Variants in TDRD6 observed in about 807,000 individuals in gnomAD.
TDRD6 encodes the protein tudor domain-containing protein 6.
A neutral mutation model predicts 157.5 loss-of-function variants in TDRD6; 186 were observed. That is an observed-to-expected ratio of 1.18 (90% CI 1.05 to 1.33). TDRD6 has a LOEUF of 1.33. Among genes scored for constraint, TDRD6 ranks in the 40% most tolerant of loss-of-function variants. The pLI is 0.00. For missense variants in TDRD6, 3,066 were observed against 2,508.0 expected (o/e 1.22, Z -4.75); for synonymous variants, 1,075 against 945.2 (o/e 1.14, Z -2.52).
rs1382395751 is a variant in TDRD6, at chr6:46,690,053, T to C, written c.1925T>C (p.Val642Ala). The C allele has an allele frequency of 6.2e-7, 1 of 1,613,988 alleles. No individual in the cohort carries two copies. Reference protein sequence around the residue: ...HILDKQDHQYVIEILDESRTG... With the variant: ...HILDKQDHQYAIEILDESRTG... ...CTTGATAAACAGGATCATCAATATG[T>C]TATTGAGATTCTTGACGAATCAAGA... Residue 642 changes from valine to alanine, a missense_variant, in exon 1 of 4, where the codon GTT (valine) becomes GCT (alanine). Coordinates refer to ENST00000316081, the MANE Select transcript of TDRD6 (RefSeq NM_001010870.3).
intron 2 of TDRD6, 101 bp downstream of exon 2, chr6:46,696,046 T>G: frequency 7.6e-7 from 1 of 1,311,460 alleles, no homozygotes; most frequent in Non-Finnish European, 1.0e-6. Flanking sequence ...GAACAAATGT[T>G]TACTTGCTTG....
At position 46,688,233 on chromosome 6, in the gene TDRD6, G is replaced by T; in HGVS notation, c.105G>T (p.Leu35=). Residue 35 remains leucine (L), a synonymous_variant, in exon 1 of 4, where the codon CTG becomes CTT. Coordinates refer to ENST00000316081, the MANE Select transcript of TDRD6 (RefSeq NM_001010870.3). ...PDVIPVQLWG[L]VGERRGEYLR... is the part of the protein sequence containing the mutation. ...TGATCCCGGTGCAGCTGTGGGGGCT[G>T]GTGGGCGAGCGGCGGGGCGAGTACC... is the stretch of plus-strand genomic sequence containing the variant. 1 of 1,529,772 alleles carries T rather than the reference G, an allele frequency of 6.5e-7. No homozygotes were observed. Among genetic ancestry groups the T allele is most frequent in the Non-Finnish European group, 8.7e-7 (1 of 1,145,320 alleles). The allele number at this position is 1,529,772 out of a possible 1,614,324, so 94.8% of individuals were successfully genotyped here. A position where few individuals can be genotyped will look rare whatever the true frequency, so the allele number is the denominator to read the frequency against.
Position 46,688,445 on chromosome 6 carries a change from C to CGGCCGGAGCAGGCTCGCTGGCGCCT in TDRD6, c.320_344dup (p.Arg117SerfsTer51), listed in dbSNP as rs1764181007. 1 of 1,542,764 alleles carries CGGCCGGAGCAGGCTCGCTGGCGCCT rather than the reference C, an allele frequency of 6.5e-7. No homozygotes were observed. Among genetic ancestry groups the CGGCCGGAGCAGGCTCGCTGGCGCCT allele is most frequent in the Non-Finnish European group, 8.7e-7 (1 of 1,146,326 alleles). ...CTGCTGGACGAGGGCCGCACCATCA[C>CGGCCGGAGCAGGCTCGCTGGCGCCT]GGCCGGAGCAGGCTCGCTGGCGCCT... is the stretch of plus-strand genomic sequence containing the variant. On this transcript the variant is annotated frameshift_variant, in exon 1 of 4. Transcript: ENST00000316081. LOFTEE classifies it high-confidence loss of function.
chr6:46,683,191 A>C (rs1361133706), upstream of TDRD6, among the ~76,000 whole-genome samples: 1 of 152,026 alleles, frequency 6.6e-6, no homozygotes, highest in African/African-American at 2.4e-5. Flanking sequence ...TTTTTGGCAA[A>C]AGCACCAAGA....
intron 3 of TDRD6, among the ~76,000 whole-genome samples, chr6:46,701,560 G>C (rs543818382): frequency 1.3e-5 from 2 of 151,554 alleles, no homozygotes; most frequent in East Asian, 3.9e-4. Context: ...AATCAAAAAG[G>C]AAAAAGAACT....
In TDRD6 at chr6:46,692,680, A is replaced by G. The variant is rs781592912; in HGVS notation, c.4552A>G (p.Lys1518Glu). Reference protein sequence around the residue: ...SVFLNWYNPEKKMIRAYATVI... With the variant: ...SVFLNWYNPEEKMIRAYATVI... Reference sequence around the variant, plus strand: ...ATTTCTTAACTGGTATAATCCAGAAAAAAAAATGATAAGAGCTTATGCCAC... The same window carrying G: ...ATTTCTTAACTGGTATAATCCAGAAGAAAAAATGATAAGAGCTTATGCCAC... The change falls in exon 1 of 4, where the codon AAA becomes GAA. Residue 1518 changes from lysine (K) to glutamate (E), a missense_variant. Coordinates refer to ENST00000316081, the MANE Select transcript of TDRD6 (RefSeq NM_001010870.3). 4 of 1,613,874 alleles carry G rather than the reference A, an allele frequency of 2.5e-6. No homozygotes were observed. Among genetic ancestry groups the G allele is most frequent in the East Asian group, 4.5e-5 (2 of 44,870 alleles).
rs1323962495 is a variant in TDRD6 at position 46,692,801 on chromosome 6, T to C, written c.4673T>C (p.Val1558Ala). 1 of 1,613,976 alleles carries C rather than the reference T, an allele frequency of 6.2e-7. No homozygotes were observed. The highest frequency in any genetic ancestry group is 2.2e-5 in the East Asian group (1 of 44,880). The change falls in exon 1 of 4, where the codon GTA (valine) becomes GCA (alanine). Residue 1558 changes from valine (V) to alanine (A), a missense_variant. Coordinates refer to ENST00000316081, the MANE Select transcript of TDRD6 (RefSeq NM_001010870.3). ...GAAGTACAGACTGCTGGAGAACAGG[T>C]AGCAGACAGGAGAAATTGTATCCCA... is the stretch of plus-strand genomic sequence containing the variant. ...EVEVQTAGEQ[V>A]ADRRNCIPCP...
Position 46,693,117 on chromosome 6 carries a change from G to T in TDRD6, c.4989G>T (p.Leu1663Phe). The T allele has an allele frequency of 6.2e-7, 1 of 1,613,016 alleles. No individual in the cohort carries two copies. The highest frequency in any genetic ancestry group is 8.5e-7 in the Non-Finnish European group (1 of 1,179,724). Reference sequence around the variant, plus strand: ...ATGAAATAATAACAGAAGATGTGTTGGAAATAACAATACTAGAAATCAGAA... The same window carrying T: ...ATGAAATAATAACAGAAGATGTGTTTGAAATAACAATACTAGAAATCAGAA... ...YFYEIITEDV[L>F]EITILEIRRD... Residue 1663 changes from leucine (L) to phenylalanine (F), a missense_variant, in exon 1 of 4, where the codon TTG becomes TTT. Physicochemically the swap from Leu to Phe is conservative, Grantham distance 22. Transcript: ENST00000316081.
In TDRD6 at chr6:46,691,589, A is replaced by T. The variant is rs758684688; in HGVS notation, c.3461A>T (p.Lys1154Met). 6.2e-7 allele frequency: 1 copy of T among 1,613,542 alleles called. No homozygotes were observed. Among genetic ancestry groups the T allele is most frequent in the Non-Finnish European group, 8.5e-7 (1 of 1,179,710 alleles). ...DNIQISASIN[K>M]KLGLLSYKDR... ...ATTCAAATTAGTGCTAGTATTAATA[A>T]GAAGTTGGGGCTACTTAGTTACAAA... Residue 1154 changes from lysine (K) to methionine (M), a missense_variant, in exon 1 of 4, where the codon AAG becomes ATG. Physicochemically the swap from Lys to Met is moderately conservative, Grantham distance 95. Coordinates refer to ENST00000316081, the MANE Select transcript of TDRD6 (RefSeq NM_001010870.3).
chr6:46,688,678 G>C lies in TDRD6; in HGVS notation c.550G>C (p.Val184Leu). 6.2e-7 allele frequency: 1 copy of C among 1,600,184 alleles called. No individual in the cohort carries two copies. The highest frequency in any genetic ancestry group is 8.5e-7 in the Non-Finnish European group (1 of 1,179,848). ...LLLHRLVLLEVPDVFQQMREL... is the reference protein window; with the variant it reads ...LLLHRLVLLELPDVFQQMREL... Reference sequence around the variant, plus strand: ...GCTCCATCGCCTGGTCCTCCTGGAGGTGCCTGATGTGTTCCAACAGATGCG... The same window carrying C: ...GCTCCATCGCCTGGTCCTCCTGGAGCTGCCTGATGTGTTCCAACAGATGCG... The change falls in exon 1 of 4, where the codon GTG (valine) becomes CTG (leucine). Residue 184 changes from valine (V) to leucine (L), a missense_variant. Transcript: ENST00000316081.
intron 1 of TDRD6, among the ~76,000 whole-genome samples, chr6:46,694,654 G>A (rs1764447519): frequency 6.6e-6 from 1 of 152,190 alleles, no homozygotes; most frequent in African/African-American, 2.4e-5. Context: ...TGTGAAATCA[G>A]TGCAAAATAT....
chr6:46,692,073 T>C lies in TDRD6; in HGVS notation c.3945T>C (p.Asn1315=). Residue 1315 remains asparagine, a synonymous_variant, in exon 1 of 4, where the codon AAT becomes AAC. Transcript: ENST00000316081. ...CAACTGTATATGTTTCTCATATAAA[T>C]GACCTTTCAGACTTTTATGTTCAAC... ...FKTTVYVSHI[N]DLSDFYVQLI... is the part of the protein sequence containing the mutation. 1.2e-6 allele frequency: 2 copies of C among 1,612,920 alleles called. No homozygotes were observed. Among genetic ancestry groups the C allele is most frequent in the Non-Finnish European group, 1.7e-6 (2 of 1,179,568 alleles).
rs138828519 is a variant in TDRD6, at chr6:46,689,202, C to G, written c.1074C>G (p.Ser358Arg). The G allele has an allele frequency of 1.2e-6, 2 of 1,614,172 alleles. No individual in the cohort carries two copies. The highest frequency in any genetic ancestry group is 4.5e-5 in the East Asian group (2 of 44,866). Residue 358 changes from serine (S) to arginine (R), a missense_variant, in exon 1 of 4, where the codon AGC (serine) becomes AGG (arginine). Coordinates refer to ENST00000316081, the MANE Select transcript of TDRD6 (RefSeq NM_001010870.3). Reference sequence around the variant, plus strand: ...GGAAGGAGTTAGTGAGTTGCAGCAGCCTTCGGTACTTGCTGCCTGAATATT... The same window carrying G: ...GGAAGGAGTTAGTGAGTTGCAGCAGGCTTCGGTACTTGCTGCCTGAATATT... ...YGRKELVSCS[S>R]LRYLLPEYFR... is the part of the protein sequence containing the mutation.
Position 46,691,869 on chromosome 6 carries a change from T to C in TDRD6, c.3741T>C (p.Asn1247=). 2 of 1,590,910 alleles carry C rather than the reference T, an allele frequency of 1.3e-6. No homozygotes were observed. Among genetic ancestry groups the C allele is most frequent in the Non-Finnish European group, 1.7e-6 (2 of 1,174,342 alleles). The part of the protein sequence containing the change: ...TQYQDSVGNK[N]SQVFPLTTEK... ...ATCAAGACTCTGTGGGAAATAAAAATAGTCAAGTGTTTCCATTAACAACAG... is the reference window on the plus strand; with the variant it reads ...ATCAAGACTCTGTGGGAAATAAAAACAGTCAAGTGTTTCCATTAACAACAG... Residue 1247 remains asparagine (N), a synonymous_variant, in exon 1 of 4, where the codon AAT becomes AAC. Coordinates refer to ENST00000316081, the MANE Select transcript of TDRD6 (RefSeq NM_001010870.3).
chr6:46,688,339 G>A lies in TDRD6; in HGVS notation c.211G>A (p.Glu71Lys), dbSNP rs1468851249. The change falls in exon 1 of 4, where the codon GAG (glutamate) becomes AAG (lysine). Residue 71 changes from glutamate to lysine, a missense_variant. Physicochemically the swap from Glu to Lys is moderately conservative, Grantham distance 56. Transcript: ENST00000316081. ...GGGCAGCGCCTCGGCCTCGCCCGGC[G>A]AGCTGTGCCTGGTGCAGGTCGGGCT... ...ALGSASASPG[E>K]LCLVQVGLLW... 2 of 1,527,898 alleles carry A rather than the reference G, an allele frequency of 1.3e-6. No homozygotes were observed. The highest frequency in any genetic ancestry group is 5.0e-5 in the East Asian group (2 of 40,088). The allele number at this position is 1,527,898 out of a possible 1,614,324, so 94.6% of individuals were successfully genotyped here.
Position 46,692,776 on chromosome 6 carries a change from G to T in TDRD6, c.4648G>T (p.Glu1550Ter), listed in dbSNP as rs746796392. ...DTEKLQCLEV[E>*]VQTAGEQVAD... ...GGAGAAACTTCAGTGTTTAGAAGTA[G>T]AAGTACAGACTGCTGGAGAACAGGT... The change falls in exon 1 of 4, where the codon GAA becomes TAA. Residue 1550 changes from glutamate (E) to a stop codon, truncating the protein, a stop_gained. Coordinates refer to ENST00000316081, the MANE Select transcript of TDRD6 (RefSeq NM_001010870.3). LOFTEE classifies it high-confidence loss of function. 1.2e-6 allele frequency: 2 copies of T among 1,614,024 alleles called. No individual in the cohort carries two copies. Among genetic ancestry groups the T allele is most frequent in the South Asian group, 1.1e-5 (1 of 90,942 alleles).
Position 46,698,656 on chromosome 6 carries a change from A to G in TDRD6, c.6261+569A>G, listed in dbSNP as rs182097785. Among the ~76,000 whole-genome samples, 454 of 152,140 alleles carry G rather than the reference A, an allele frequency of 3.0e-3. 1 individual carries two copies. Among genetic ancestry groups the G allele is most frequent in the Middle Eastern group, 0.01 (3 of 294 alleles). ...GACTTCTTGAACTTCTCACTTCACA[A>G]TCTTTGTCTGATAGTTTTAATATCT... On this transcript the variant is annotated intron_variant, in intron 3 of 3. Coordinates refer to ENST00000316081, the MANE Select transcript of TDRD6 (RefSeq NM_001010870.3).
rs745980590 is a variant in TDRD6 at position 46,689,737 on chromosome 6, C to A, written c.1609C>A (p.Pro537Thr). 6.2e-7 allele frequency: 1 copy of A among 1,613,928 alleles called. No individual in the cohort carries two copies. Among genetic ancestry groups the A allele is most frequent in the East Asian group, 2.2e-5 (1 of 44,888 alleles). ...ASKLDGVVLKPEPDDLCCVKW... is the reference protein window; with the variant it reads ...ASKLDGVVLKTEPDDLCCVKW... ...TAAGCTGGATGGTGTAGTTTTGAAA[C>A]CTGAACCTGATGACCTTTGCTGTGT... Residue 537 changes from proline to threonine, a missense_variant, in exon 1 of 4, where the codon CCT becomes ACT. Coordinates refer to ENST00000316081, the MANE Select transcript of TDRD6 (RefSeq NM_001010870.3).
At chr6:46,687,613 C>CA, upstream of TDRD6, 1 of 152,798 alleles carries the variant, frequency 6.5e-6, no homozygotes, top group South Asian at 2.1e-4. Context: ...GCCTGGCCCC[C>CA]AGTGCTCAAT....
Sources: gnomAD v4.1 joint callset for allele counts (sites outside exome capture counted in the v4.1 genomes callset) on GRCh38, gnomAD v4.1.1 for gene constraint, MANE v1.5 for transcripts, NCBI Gene and HGNC (gene_info 2026-07-23, HGNC 2026-07-21) for gene names.